COG5: variants seen among roughly 807,000 people sequenced by gnomAD.
The protein encoded by COG5 is component of oligomeric golgi complex 5.
Under a neutral mutation model 110.4 loss-of-function variants are expected in COG5, and 86 were observed. The observed-to-expected ratio is 0.78, with a 90% CI of 0.65 to 0.93. COG5 has a LOEUF of 0.93. Ranked by LOEUF, COG5 falls within the 40% of genes least tolerant of loss-of-function variation. The pLI is 0.00. For missense variants in COG5, 1,077 were observed against 987.0 expected (o/e 1.09, Z -1.22); for synonymous variants, 360 against 334.6 (o/e 1.08, Z -0.83).
intron 5 of COG5, among the ~76,000 whole-genome samples, chr7:107,528,430 A>T (rs1432942154): frequency 1.3e-5 from 2 of 152,188 alleles, no homozygotes; most frequent in African/African-American, 4.8e-5. Context: ...AAGCACATAA[A>T]CAACAAAACT....
rs1320370014 is a variant in COG5 at position 107,493,867 on chromosome 7, ATCT to A, written c.538+33367_538+33369del. ...AAGAACAACTTCTATTGGGACACAG[ATCT>A]TCTGCTGTTCTTCTAAATAAGGGAA... On this transcript the variant is annotated intron_variant, in intron 6 of 21. Coordinates refer to ENST00000297135, the MANE Select transcript of COG5 (RefSeq NM_006348.5). Among the ~76,000 whole-genome samples the A allele has an allele frequency of 3.4e-4, 52 of 152,182 alleles. 3 individuals are homozygous for A. Among genetic ancestry groups the A allele is most frequent in the Admixed American group, 2.7e-3 (41 of 15,266 alleles).
intron 3 of COG5, among the ~76,000 whole-genome samples, chr7:107,550,751 G>A (rs937346137): frequency 1.3e-5 from 2 of 152,134 alleles, no homozygotes; most frequent in African/African-American, 4.8e-5. Flanking sequence ...TATTGCCCAG[G>A]CTGGGGTGCA....
chr7:107,232,861 G>A (rs1800879111), intron 18 of COG5, among the ~76,000 whole-genome samples: 1 of 152,156 alleles, frequency 6.6e-6, no homozygotes, highest in South Asian at 2.1e-4. Context: ...TGGAGAGAAT[G>A]AGCGGTCAGC....
chr7:107,321,185 A>G (rs1338960293), intron 11 of COG5, among the ~76,000 whole-genome samples: 1 of 152,220 alleles, frequency 6.6e-6, no homozygotes, highest in Non-Finnish European at 1.5e-5. Context: ...AAAATCAACA[A>G]TTATAAAGTA....
At chr7:107,403,331 C>T (rs933406485) in intron 7 of COG5, among the ~76,000 whole-genome samples, 2 of 151,758 alleles carry the variant, frequency 1.3e-5, no homozygotes, top group Non-Finnish European at 2.9e-5. Flanking sequence ...GTTCAAGGTG[C>T]CAGCAGTTTG....
At chr7:107,555,438 T>C (rs1433100517) in intron 2 of COG5, among the ~76,000 whole-genome samples, 1 of 152,232 alleles carries the variant, frequency 6.6e-6, no homozygotes, top group African/African-American at 2.4e-5. Context: ...GATATCACTG[T>C]CATTCTGTCA....
At chr7:107,545,063 G>A (rs1369425705) in intron 5 of COG5, among the ~76,000 whole-genome samples, 2 of 152,024 alleles carry the variant, frequency 1.3e-5, no homozygotes, top group African/African-American at 2.4e-5. Context: ...GCTTGAAAAG[G>A]GGTTATTTGA....
chr7:107,434,949 G>A (rs7798364), intron 6 of COG5, among the ~76,000 whole-genome samples: 42,897 of 150,442 alleles, frequency 0.29, 6,800 homozygotes, highest in African/African-American at 0.45. Context: ...CAACCTGGAC[G>A]ACAGAGCGAG....
At chr7:107,453,067 C>G (rs1795436948) in intron 6 of COG5, among the ~76,000 whole-genome samples, 2 of 152,182 alleles carry the variant, frequency 1.3e-5, no homozygotes, top group Admixed American at 1.3e-4. Flanking sequence ...AATGCATTGT[C>G]ATTGTTCCCT....
chr7:107,534,271 T>C (rs906605226), intron 5 of COG5, among the ~76,000 whole-genome samples: 1 of 151,364 alleles, frequency 6.6e-6, no homozygotes. Context: ...ATGAGCAAAA[T>C]AACAAGCTAG....
intron 10 of COG5, among the ~76,000 whole-genome samples, chr7:107,356,405 T>C (rs1168024997): frequency 6.6e-6 from 1 of 152,214 alleles, no homozygotes; most frequent in Non-Finnish European, 1.5e-5. Context: ...AGACTACTGC[T>C]TGTACAAATT....
Position 107,554,334 on chromosome 7 carries a change from T to A in COG5, c.243A>T (p.Ala81=), listed in dbSNP as rs753804618. The A allele has an allele frequency of 6.2e-7, 1 of 1,613,948 alleles. No individual in the cohort carries two copies. Among genetic ancestry groups the A allele is most frequent in the East Asian group, 2.2e-5 (1 of 44,872 alleles). ...CTTGTGCCAGTAAATCTTCATGTCT[T>A]GCAACAACCTGAAAATCAAAAATAA... ...LDRELHLQVV[A]RHEDLLAQAT... is the part of the protein sequence containing the mutation. The change falls in exon 3 of 22, where the codon GCA becomes GCT. Residue 81 remains alanine, a synonymous_variant. Transcript: ENST00000297135.
chr7:107,253,979 G>A (rs920473968), intron 16 of COG5, among the ~76,000 whole-genome samples: 3 of 151,856 alleles, frequency 2.0e-5, no homozygotes, highest in Non-Finnish European at 4.4e-5. Context: ...TCATCATAGC[G>A]CTTATCACCA....
intron 6 of COG5, among the ~76,000 whole-genome samples, chr7:107,455,698 G>A (rs953659701): frequency 1.3e-5 from 2 of 152,116 alleles, no homozygotes; most frequent in African/African-American, 4.8e-5. Context: ...GCATAAATTT[G>A]TATAGTTTAT....
chr7:107,329,256 T>C (rs1038824013), intron 10 of COG5, among the ~76,000 whole-genome samples: 8 of 152,110 alleles, frequency 5.3e-5, no homozygotes, highest in African/African-American at 1.9e-4. Flanking sequence ...ACTAAAGAGA[T>C]GTACTAAGAA....
Position 107,335,149 on chromosome 7 carries a change from G to A in COG5, c.1027-10628C>T, listed in dbSNP as rs189400587. ...AGTTTTTTCTTTCTTTGTATCTTTT[G>A]TCATCTAAGTTGTCATCTCTTTAAA... is the stretch of plus-strand genomic sequence containing the variant. On this transcript the variant is annotated intron_variant, in intron 10 of 21. Coordinates refer to ENST00000297135, the MANE Select transcript of COG5 (RefSeq NM_006348.5). Among the ~76,000 whole-genome samples the A allele has an allele frequency of 4.6e-5, 7 of 152,254 alleles. No individual in the cohort carries two copies. The East Asian group carries it at 1.4e-3, about 29-fold the overall frequency.
At chr7:107,512,438 G>A (rs1410228277) in intron 6 of COG5, among the ~76,000 whole-genome samples, 1 of 152,142 alleles carries the variant, frequency 6.6e-6, no homozygotes, top group Non-Finnish European at 1.5e-5. Context: ...TCATGGGTAG[G>A]AAGAATCAAT....
chr7:107,398,845 C>T (rs1791215776), intron 7 of COG5, among the ~76,000 whole-genome samples: 1 of 152,058 alleles, frequency 6.6e-6, no homozygotes. Context: ...CATGAAGGAA[C>T]TTTTGTATGA....
At chr7:107,255,134 T>C (rs1372720175) in intron 16 of COG5, among the ~76,000 whole-genome samples, 1 of 152,138 alleles carries the variant, frequency 6.6e-6, no homozygotes, top group Non-Finnish European at 1.5e-5. Flanking sequence ...TGATAGTTAC[T>C]GCTAGAAGAA....
Sources: allele counts gnomAD v4.1 joint callset (sites outside exome capture counted in the v4.1 genomes callset), GRCh38; gene constraint gnomAD v4.1.1; transcripts MANE v1.5; gene names NCBI Gene and HGNC (gene_info 2026-07-23, HGNC 2026-07-21).